SOX5: variants seen among roughly 807,000 people sequenced by gnomAD.
The protein encoded by SOX5 is transcription factor SOX-5.
SOX5 carries 9 observed loss-of-function variants against 92.0 expected under a neutral mutation model. That is an observed-to-expected ratio of 0.10 (90% CI 0.06 to 0.17). The LOEUF is 0.17. Ranked by LOEUF, SOX5 falls within the 10% of genes least tolerant of loss-of-function variation. SOX5 has a pLI of 1.00. For synonymous variants in SOX5, 344 were observed against 336.3 expected (o/e 1.02, Z -0.25); for missense variants, 642 against 944.5 (o/e 0.68, Z 4.20).
At chr12:24,532,671 C>T (rs1320812300) in intron 1 of SOX5, among the ~76,000 whole-genome samples, 1 of 152,100 alleles carries the variant, frequency 6.6e-6, no homozygotes, top group East Asian at 1.9e-4. Context: ...GAACTGATTC[C>T]AAGTAGAACA....
At position 24,220,225 on chromosome 12, in the gene SOX5, C is replaced by A. The variant is rs536312850; in HGVS notation, c.-76-6808G>T. On this transcript the variant is annotated intron_variant, in intron 3 of 4. Transcript: ENST00000446891. Reference sequence around the variant, plus strand: ...ATATAGAAGATAGTATCATCATTATCATCAAGTAGATATAGCATTTATATA... The same window carrying A: ...ATATAGAAGATAGTATCATCATTATAATCAAGTAGATATAGCATTTATATA... 1.4e-3 allele frequency among the ~76,000 whole-genome samples: 216 copies of A among 151,788 alleles called. 2 individuals carry two copies. The highest frequency in any genetic ancestry group is 4.7e-3 in the African/African-American group (193 of 41,410).
chr12:23,999,767 A>C (rs1040970001), intron 4 of SOX5, among the ~76,000 whole-genome samples: 1 of 152,082 alleles, frequency 6.6e-6, no homozygotes, highest in African/African-American at 2.4e-5. Flanking sequence ...AGAATTTTAC[A>C]TATAGCAAAG....
At chr12:23,715,172 G>A (rs1463090443) in intron 6 of SOX5, among the ~76,000 whole-genome samples, 4 of 151,952 alleles carry the variant, frequency 2.6e-5, no homozygotes, top group Admixed American at 6.6e-5. Context: ...GATGGCGGGC[G>A]CCTGTAGTCC....
intron 6 of SOX5, among the ~76,000 whole-genome samples, chr12:23,712,082 A>T (rs2092106812): frequency 6.6e-6 from 1 of 152,192 alleles, no homozygotes; most frequent in Non-Finnish European, 1.5e-5. Flanking sequence ...GACTGGTGAG[A>T]ATCGTGCTAT....
chr12:23,777,762 T>A (rs1195225810), intron 3 of SOX5, among the ~76,000 whole-genome samples: 1 of 151,474 alleles, frequency 6.6e-6, no homozygotes, highest in Non-Finnish European at 1.5e-5. Context: ...AAAAAAAAAA[T>A]TGAAAGAAAA....
chr12:23,977,169 CAA>C (rs1569356619), intron 4 of SOX5, among the ~76,000 whole-genome samples: 2 of 152,094 alleles, frequency 1.3e-5, no homozygotes, highest in African/African-American at 4.8e-5. Flanking sequence ...TTAATTTACT[CAA>C]GATTAATTTC....
intron 3 of SOX5, among the ~76,000 whole-genome samples, chr12:24,230,101 A>T (rs1211638715): frequency 6.6e-6 from 1 of 152,136 alleles, no homozygotes; most frequent in Non-Finnish European, 1.5e-5. Flanking sequence ...TTGGCCTTGA[A>T]TTACCTCCCA....
intron 6 of SOX5, among the ~76,000 whole-genome samples, chr12:23,729,279 A>G (rs1431060808): frequency 1.3e-5 from 2 of 152,194 alleles, no homozygotes; most frequent in Non-Finnish European, 2.9e-5. Flanking sequence ...CATCTTCTCA[A>G]GATCACACGG....
Position 24,037,892 on chromosome 12 carries a change from C to T in SOX5, c.-1-141868G>A, listed in dbSNP as rs566186277. On this transcript the variant is annotated intron_variant, in intron 4 of 4. Transcript: ENST00000446891. ...AATGGTACTATTACCGGGCCAGTTGCAATTTTTTACACAGAACACTGATGA... is the reference window on the plus strand; with the variant it reads ...AATGGTACTATTACCGGGCCAGTTGTAATTTTTTACACAGAACACTGATGA... Among the ~76,000 whole-genome samples the T allele has an allele frequency of 1.1e-3, 168 of 152,190 alleles. No individual in the cohort carries two copies. The Middle Eastern group carries it at 0.014, about 12-fold the overall frequency.
intron 2 of SOX5, among the ~76,000 whole-genome samples, chr12:23,871,941 TACA>T (rs2096877027): frequency 6.6e-6 from 1 of 151,688 alleles, no homozygotes; most frequent in Non-Finnish European, 1.5e-5. Context: ...TACTTGAGAG[TACA>T]ACATCTTTGC....
intron 4 of SOX5, among the ~76,000 whole-genome samples, chr12:24,018,794 T>C (rs1355685551): frequency 1.3e-5 from 2 of 151,848 alleles, no homozygotes; most frequent in East Asian, 3.9e-4. Context: ...TAAGACTCTG[T>C]CTGGAAAAAA....
At chr12:23,736,269 G>A (rs911343889) in intron 5 of SOX5, among the ~76,000 whole-genome samples, 4 of 151,974 alleles carry the variant, frequency 2.6e-5, no homozygotes, top group African/African-American at 9.7e-5. Flanking sequence ...AGACCATCCT[G>A]GCTAACAGGG....
At chr12:24,418,181 G>A (rs890739618) in intron 1 of SOX5, among the ~76,000 whole-genome samples, 1 of 151,714 alleles carries the variant, frequency 6.6e-6, no homozygotes, top group African/African-American at 2.4e-5. Flanking sequence ...TCACAAATGA[G>A]CCCTAAGACA....
At chr12:24,223,331 A>G (rs1960977301) in intron 3 of SOX5, 2 of 152,264 alleles carry the variant, frequency 1.3e-5, no homozygotes, top group South Asian at 4.1e-4. Flanking sequence ...AAGGTATTGA[A>G]TAACCAAAGT....
intron 2 of SOX5, among the ~76,000 whole-genome samples, chr12:24,305,966 C>T (rs763818473): frequency 6.6e-6 from 1 of 152,174 alleles, no homozygotes; most frequent in African/African-American, 2.4e-5. Flanking sequence ...CAAGACCAAA[C>T]AAAAACAACC....
intron 2 of SOX5, among the ~76,000 whole-genome samples, chr12:23,860,621 G>A (rs1231895957): frequency 6.6e-6 from 1 of 152,096 alleles, no homozygotes. Flanking sequence ...ATCTCCCTCA[G>A]GAAATTCAAT....
At chr12:24,480,039 A>T (rs1419284186) in intron 1 of SOX5, among the ~76,000 whole-genome samples, 3 of 152,210 alleles carry the variant, frequency 2.0e-5, no homozygotes, top group Non-Finnish European at 4.4e-5. Flanking sequence ...AATTTCTAAG[A>T]ACCTGATTAC....
chr12:23,818,935 C>G (rs2096054250), intron 3 of SOX5, among the ~76,000 whole-genome samples: 1 of 152,092 alleles, frequency 6.6e-6, no homozygotes, highest in Non-Finnish European at 1.5e-5. Context: ...GCTATGAGAC[C>G]CCCCTGTGAT....
At chr12:23,786,898 A>C (rs1283670384) in intron 3 of SOX5, among the ~76,000 whole-genome samples, 1 of 145,720 alleles carries the variant, frequency 6.9e-6, no homozygotes, top group African/African-American at 2.5e-5. Flanking sequence ...TTTCTGAATT[A>C]GTTAAGGTTC....
Sources: gnomAD v4.1 joint callset for allele counts (sites outside exome capture counted in the v4.1 genomes callset) on GRCh38, gnomAD v4.1.1 for gene constraint, MANE v1.5 for transcripts, NCBI Gene and HGNC (gene_info 2026-07-23, HGNC 2026-07-21) for gene names.